Variants in CAPSL observed in about 807,000 individuals in gnomAD.
CAPSL encodes calcyphosin-like protein.
CAPSL carries 17 observed loss-of-function variants against 21.3 expected under a neutral mutation model. The ratio of observed to expected loss-of-function variants is 0.80; its 90% CI spans 0.55 to 1.20. The LOEUF (loss-of-function observed/expected upper bound fraction) is 1.20, where lower values mean the gene tolerates loss of function less well. Ranked by LOEUF, CAPSL falls within the 50% of genes most tolerant of loss-of-function variation. The probability of loss-of-function intolerance (pLI) is 0.00; values close to 1 mark genes in which losing one functional copy is unlikely to be tolerated. For missense variants in CAPSL, 289 were observed against 259.3 expected (o/e 1.11, Z -0.79); for synonymous variants, 102 against 89.3 (o/e 1.14, Z -0.80).
chr5:35,917,256 A>G (rs984378895), intron 2 of CAPSL, among the ~76,000 whole-genome samples: 80 of 152,304 alleles, frequency 5.3e-4, no homozygotes, highest in African/African-American at 1.7e-3. Flanking sequence ...GAACACTTTT[A>G]CACTGTTGGT....
chr5:35,924,622 C>T (rs1252782919), intron 1 of CAPSL, among the ~76,000 whole-genome samples: 1 of 152,170 alleles, frequency 6.6e-6, no homozygotes, highest in Admixed American at 6.5e-5. Flanking sequence ...TAGTAAGCAT[C>T]CCTTTTAATC....
intron 2 of CAPSL, 122 bp from the exon 3 acceptor site, chr5:35,910,665 TCTC>T: frequency 1.4e-6 from 1 of 694,818 alleles, no homozygotes; most frequent in East Asian, 2.8e-5. Flanking sequence ...CTTAAATTCT[TCTC>T]TGCACCCTCC....
chr5:35,906,722 A>G lies in CAPSL; in HGVS notation c.526-2076T>C, dbSNP rs1032988059. 2.2e-4 allele frequency among the ~76,000 whole-genome samples: 33 copies of G among 152,226 alleles called. 1 individual carries two copies. The highest frequency in any genetic ancestry group is 7.3e-5 in the Non-Finnish European group (5 of 68,034). The stretch of plus-strand genomic sequence containing the variant: ...CAAACCCTAACTGAAACACCAATAC[A>G]TGATTGAGACTGGTATCGTCACCCA... On this transcript the variant is annotated intron_variant, in intron 4 of 4. Coordinates refer to ENST00000651391, the MANE Select transcript of CAPSL (RefSeq NM_001042625.2).
chr5:35,909,016 T>TA (rs1321532292), intron 4 of CAPSL, among the ~76,000 whole-genome samples: 4 of 152,192 alleles, frequency 2.6e-5, no homozygotes, highest in Non-Finnish European at 2.9e-5. Flanking sequence ...TGCTGACTGT[T>TA]ACTCAAGGGA....
chr5:35,908,689 A>G (rs1046293139), intron 4 of CAPSL, among the ~76,000 whole-genome samples: 1 of 152,182 alleles, frequency 6.6e-6, no homozygotes, highest in Non-Finnish European at 1.5e-5. Flanking sequence ...TCTGTCCCTA[A>G]GATTTTGGCT....
chr5:35,916,058 A>T (rs1244113441), intron 2 of CAPSL, among the ~76,000 whole-genome samples: 1 of 145,212 alleles, frequency 6.9e-6, no homozygotes, highest in Non-Finnish European at 1.6e-5. Flanking sequence ...AAGCATTCTT[A>T]AACACAAATA....
chr5:35,925,553 G>A (rs2149929052), intron 1 of CAPSL, among the ~76,000 whole-genome samples: 1 of 152,142 alleles, frequency 6.6e-6, no homozygotes, highest in East Asian at 1.9e-4. Flanking sequence ...GGGGAATTGT[G>A]GGTAAAGATG....
At chr5:35,937,306 G>A (rs1166963842) in intron 1 of CAPSL, among the ~76,000 whole-genome samples, 2 of 152,188 alleles carry the variant, frequency 1.3e-5, no homozygotes, top group African/African-American at 4.8e-5. Context: ...TAAAATGAAA[G>A]TTCTTAGCAT....
chr5:35,928,447 G>T (rs151193510), intron 1 of CAPSL, among the ~76,000 whole-genome samples: 1 of 152,296 alleles, frequency 6.6e-6, no homozygotes, highest in East Asian at 1.9e-4. Flanking sequence ...GTACACAGAA[G>T]CCTCAGATAA....
At chr5:35,919,158 A>AT (rs1554069747) in intron 2 of CAPSL, among the ~76,000 whole-genome samples, 8,420 of 72,792 alleles carry the variant, frequency 0.12, 556 homozygotes, top group African/African-American at 0.24. Flanking sequence ...ATCTTTCCTG[A>AT]TTAAAAAAAA....
At chr5:35,927,895 A>G (rs963152153) in intron 1 of CAPSL, among the ~76,000 whole-genome samples, 12 of 152,238 alleles carry the variant, frequency 7.9e-5, no homozygotes, top group Non-Finnish European at 2.9e-5. Flanking sequence ...TTCCCCTTGG[A>G]AAATGCCCTT....
chr5:35,927,499 G>T (rs1022423900), intron 1 of CAPSL, among the ~76,000 whole-genome samples: 1 of 152,214 alleles, frequency 6.6e-6, no homozygotes, highest in Non-Finnish European at 1.5e-5. Context: ...GATGAGGCTT[G>T]TAGGGCATCA....
rs34779853 is a variant in CAPSL at position 35,919,160 on chromosome 5, TAA to T, written c.137+1822_137+1823del. ...CTGGTTAGCTAGTATCTTTCCTGAT[TAA>T]AAAAAAAAATATATATATATATATA... On this transcript the variant is annotated intron_variant, in intron 2 of 4. Coordinates refer to ENST00000651391, the MANE Select transcript of CAPSL (RefSeq NM_001042625.2). Among the ~76,000 whole-genome samples the T allele has an allele frequency of 1.3e-3, 170 of 129,182 alleles. 1 individual carries two copies. Among genetic ancestry groups the T allele is most frequent in the African/African-American group, 4.8e-3 (164 of 34,254 alleles). 84.7% of individuals were successfully genotyped at this position (129,182 alleles called of 152,430 possible).
chr5:35,908,819 C>G (rs900397967), intron 4 of CAPSL, among the ~76,000 whole-genome samples: 1 of 152,176 alleles, frequency 6.6e-6, no homozygotes, highest in African/African-American at 2.4e-5. Flanking sequence ...GGTCACCTTC[C>G]TATCCCCCAC....
chr5:35,930,547 C>T (rs766126738), intron 1 of CAPSL, among the ~76,000 whole-genome samples: 4 of 152,082 alleles, frequency 2.6e-5, no homozygotes, highest in Non-Finnish European at 5.9e-5. Context: ...ATACACTTGC[C>T]CAAGCCTGAG....
At chr5:35,915,254 G>T (rs1005492724) in intron 2 of CAPSL, among the ~76,000 whole-genome samples, 1 of 152,252 alleles carries the variant, frequency 6.6e-6, no homozygotes, top group South Asian at 2.1e-4. Context: ...GGACCAGAAG[G>T]ATTCACAGCC....
intron 1 of CAPSL, among the ~76,000 whole-genome samples, chr5:35,925,281 G>A (rs1315863134): frequency 6.6e-6 from 1 of 152,210 alleles, no homozygotes; most frequent in South Asian, 2.1e-4. Flanking sequence ...GGCTTACCTG[G>A]CCTGGGAGTG....
intron 1 of CAPSL, among the ~76,000 whole-genome samples, chr5:35,927,031 C>T (rs1163302680): frequency 1.3e-5 from 2 of 152,166 alleles, no homozygotes; most frequent in Non-Finnish European, 2.9e-5. Flanking sequence ...AAAGGGACAG[C>T]AAATGTGGTG....
intron 1 of CAPSL, among the ~76,000 whole-genome samples, chr5:35,933,175 A>C (rs1488262114): frequency 6.6e-6 from 1 of 152,176 alleles, no homozygotes; most frequent in Admixed American, 6.5e-5. Context: ...AGATAAGAAC[A>C]ACAGTAATAG....
Sources: gnomAD v4.1 joint callset for allele counts (sites outside exome capture counted in the v4.1 genomes callset) on GRCh38, gnomAD v4.1.1 for gene constraint, MANE v1.5 for transcripts, NCBI Gene and HGNC (gene_info 2026-07-23, HGNC 2026-07-21) for gene names.